Variants in OSBPL8 observed in about 807,000 individuals in gnomAD.
The protein encoded by OSBPL8 is oxysterol binding protein like 8, also known as oxysterol-binding protein-related protein 8.
A neutral mutation model predicts 125.5 loss-of-function variants in OSBPL8; 59 were observed. The observed-to-expected ratio is 0.47, with a 90% CI of 0.38 to 0.58. OSBPL8 has a LOEUF of 0.58. Among genes scored for constraint, OSBPL8 ranks in the 20% least tolerant of loss-of-function variants. The pLI, the probability that OSBPL8 is intolerant of heterozygous loss-of-function variation, is 0.00. For missense variants in OSBPL8, 758 were observed against 1,047.8 expected (o/e 0.72, Z 3.82); for synonymous variants, 330 against 338.9 (o/e 0.97, Z 0.29).
chr12:76,389,716 T>C lies in OSBPL8; in HGVS notation c.1281A>G (p.Thr427=), dbSNP rs140802641. The C allele has an allele frequency of 6.2e-6, 10 of 1,607,828 alleles. No homozygotes were observed. The African/African-American group carries it at 9.3e-5, about 15-fold the overall frequency. The change falls in exon 12 of 24, where the codon ACA becomes ACG. Residue 427 remains threonine, a synonymous_variant. Coordinates refer to ENST00000261183, the MANE Select transcript of OSBPL8 (RefSeq NM_020841.5). ...GGAAAGAACGGGGTTCCAAAATAAA[T>C]GTAGGCAGAACCACCTTGGATAGGT... The part of the protein sequence containing the change: ...GMDLSKVVLP[T]FILEPRSFLD...
intron 1 of OSBPL8, among the ~76,000 whole-genome samples, chr12:76,492,343 G>A (rs1452458051): frequency 1.3e-5 from 2 of 152,318 alleles, no homozygotes; most frequent in East Asian, 3.9e-4. Flanking sequence ...TAGAACATAT[G>A]TGAACGAAGG....
intron 2 of OSBPL8, among the ~76,000 whole-genome samples, chr12:76,482,525 A>G (rs1244209853): frequency 6.6e-6 from 1 of 152,130 alleles, no homozygotes; most frequent in Non-Finnish European, 1.5e-5. Flanking sequence ...GGGCAGGAGA[A>G]TTGCTTGAAC....
At chr12:76,488,218 T>C (rs1384101843) in intron 1 of OSBPL8, among the ~76,000 whole-genome samples, 3 of 152,168 alleles carry the variant, frequency 2.0e-5, no homozygotes, top group African/African-American at 7.2e-5. Context: ...AGACATACAA[T>C]AGAATATCAT....
At chr12:76,401,977 T>C (rs1954068345) in intron 6 of OSBPL8, among the ~76,000 whole-genome samples, 1 of 152,198 alleles carries the variant, frequency 6.6e-6, no homozygotes, top group Non-Finnish European at 1.5e-5. Flanking sequence ...ACTAACAAAA[T>C]CTTCCACCAG....
At chr12:76,524,770 G>A (rs1441609116) in intron 1 of OSBPL8, among the ~76,000 whole-genome samples, 2 of 148,520 alleles carry the variant, frequency 1.3e-5, no homozygotes, top group Non-Finnish European at 3.0e-5. Flanking sequence ...TGCAACCTCC[G>A]CCTCCCAGGT....
chr12:76,440,479 T>C (rs1475162859), intron 4 of OSBPL8, among the ~76,000 whole-genome samples: 1 of 152,204 alleles, frequency 6.6e-6, no homozygotes, highest in African/African-American at 2.4e-5. Context: ...TAAAGAAGAT[T>C]TGTGTCAGTT....
Position 76,373,398 on chromosome 12 carries a change from T to C in OSBPL8, c.1863A>G (p.Ile621Met), listed in dbSNP as rs768118556. Residue 621 changes from isoleucine (I) to methionine (M), a missense_variant, in exon 18 of 24, where the codon ATA (isoleucine) becomes ATG (methionine). Physicochemically the swap from Ile to Met is conservative, Grantham distance 10. Around this residue, in one of 3 missense-constraint regions of OSBPL8, gnomAD observed 572 missense variants for 762.0 expected, o/e 0.75. Transcript: ENST00000261183. Reference sequence around the variant, plus strand: ...CTTTTCCCAGTTTAAGTTTCCCTGATATTTGATTAACACAGTCACTACTCC... The same window carrying C: ...CTTTTCCCAGTTTAAGTTTCCCTGACATTTGATTAACACAGTCACTACTCC... ...FLGSSDCVNQ[I>M]SGKLKLGKEV... The C allele has an allele frequency of 6.2e-7, 1 of 1,610,226 alleles. No homozygotes were observed. Among genetic ancestry groups the C allele is most frequent in the Admixed American group, 1.7e-5 (1 of 59,794 alleles).
chr12:76,409,803 T>C (rs1265099890), intron 5 of OSBPL8, among the ~76,000 whole-genome samples: 2 of 152,138 alleles, frequency 1.3e-5, no homozygotes, highest in African/African-American at 4.8e-5. Context: ...GAGCAAAAAA[T>C]GTGGGTTGTA....
chr12:76,367,964 T>C (rs1952483298), intron 21 of OSBPL8, among the ~76,000 whole-genome samples: 1 of 152,236 alleles, frequency 6.6e-6, no homozygotes, highest in Admixed American at 6.5e-5. Flanking sequence ...AAATAAAAAG[T>C]GGACTTACAA....
chr12:76,530,812 G>A (rs978103858), intron 1 of OSBPL8, among the ~76,000 whole-genome samples: 1 of 152,106 alleles, frequency 6.6e-6, no homozygotes, highest in Admixed American at 6.6e-5. Context: ...GTATAATAAA[G>A]CAATAAAGGC....
At chr12:76,525,999 T>C (rs1950160862) in intron 1 of OSBPL8, among the ~76,000 whole-genome samples, 1 of 152,268 alleles carries the variant, frequency 6.6e-6, no homozygotes, top group African/African-American at 2.4e-5. Flanking sequence ...GGAAATAGTC[T>C]ATATCTTCAC....
chr12:76,386,146 T>C, intron 14 of OSBPL8, 22 bp downstream of exon 14: 1 of 1,597,628 alleles, frequency 6.3e-7, no homozygotes, highest in Middle Eastern at 1.7e-4. Flanking sequence ...CAGTTTTGTT[T>C]CCATACATGC....
At chr12:76,406,925 A>T (rs1251909568) in intron 5 of OSBPL8, among the ~76,000 whole-genome samples, 1 of 152,064 alleles carries the variant, frequency 6.6e-6, no homozygotes, top group Non-Finnish European at 1.5e-5. Context: ...TTTATTTTTA[A>T]ATAATGTCTT....
At position 76,519,693 on chromosome 12, in the gene OSBPL8, G is replaced by A. The variant is rs1003761337; in HGVS notation, c.-67-32075C>T. Among the ~76,000 whole-genome samples, 23 of 152,298 alleles carry A rather than the reference G, an allele frequency of 1.5e-4. 1 individual carries two copies. The East Asian group carries it at 4.2e-3, about 28-fold the overall frequency. On this transcript the variant is annotated intron_variant, in intron 1 of 23. Transcript: ENST00000261183. ...AATGGTGACCACATCCGCTTTTGGT[G>A]AGGGCCTCAGGAAGGTTACATCATG...
At chr12:76,545,108 C>G (rs1253430487) in intron 1 of OSBPL8, among the ~76,000 whole-genome samples, 1 of 152,146 alleles carries the variant, frequency 6.6e-6, no homozygotes, top group Non-Finnish European at 1.5e-5. Context: ...CTAAATCAGT[C>G]AGCATTTGTG....
chr12:76,472,873 ACTGAT>A (rs1411121026), intron 2 of OSBPL8, among the ~76,000 whole-genome samples: 1 of 152,130 alleles, frequency 6.6e-6, no homozygotes, highest in African/African-American at 2.4e-5. Flanking sequence ...GGCAGGCCTG[ACTGAT>A]GTCAGGCCCT....
chr12:76,497,637 C>T (rs1277419780), intron 1 of OSBPL8, among the ~76,000 whole-genome samples: 2 of 152,190 alleles, frequency 1.3e-5, no homozygotes, highest in South Asian at 2.1e-4. Context: ...TTCTTCTCTA[C>T]GTGGTTTTTA....
chr12:76,356,055 A>T, intron 23 of OSBPL8, 34 bp from the exon 24 acceptor site: 1 of 1,538,062 alleles, frequency 6.5e-7, no homozygotes, highest in Non-Finnish European at 8.8e-7. Flanking sequence ...TTTTGTAATG[A>T]TTTGCCAGAA....
chr12:76,449,776 A>C (rs576792640), intron 4 of OSBPL8, among the ~76,000 whole-genome samples: 2 of 152,326 alleles, frequency 1.3e-5, no homozygotes, highest in African/African-American at 4.8e-5. Context: ...TTTCCAAATG[A>C]CTAATGCATG....
Sources: gnomAD v4.1 joint callset for allele counts (sites outside exome capture counted in the v4.1 genomes callset) on GRCh38, gnomAD v4.1.1 for gene constraint, gnomAD v4.1.1 regional missense constraint, MANE v1.5 for transcripts, NCBI Gene and HGNC (gene_info 2026-07-23, HGNC 2026-07-21) for gene names.